Variants in SIPA1L1 observed in about 807,000 individuals in gnomAD.
SIPA1L1 encodes signal induced proliferation associated 1 like 1.
A neutral mutation model predicts 162.7 loss-of-function variants in SIPA1L1; 26 were observed. That is an observed-to-expected ratio of 0.16 (90% CI 0.12 to 0.22). SIPA1L1 has a LOEUF of 0.22. Among genes scored for constraint, SIPA1L1 ranks in the 10% least tolerant of loss-of-function variants. SIPA1L1 has a pLI of 1.00. For synonymous variants in SIPA1L1, 829 were observed against 837.4 expected, an observed-to-expected ratio of 0.99 and a Z score of 0.17; for missense variants, 1,874 against 2,241.0, an observed-to-expected ratio of 0.84 and a Z score of 3.31.
At chr14:71,341,840 C>A (rs1339046744) in intron 2 of SIPA1L1, among the ~76,000 whole-genome samples, 1 of 152,128 alleles carries the variant, frequency 6.6e-6, no homozygotes, top group Admixed American at 6.5e-5. Flanking sequence ...TGATTTTACT[C>A]TTTTTTTGTG....
intron 5 of SIPA1L1, among the ~76,000 whole-genome samples, chr14:71,589,855 G>A (rs2035040517): frequency 6.6e-6 from 1 of 151,530 alleles, no homozygotes; most frequent in Non-Finnish European, 1.5e-5. Context: ...TCCATTTACA[G>A]GAAGTATTGT....
rs902781591 is a variant in SIPA1L1 at position 71,377,868 on chromosome 14, C to T, written c.-465+56687C>T. Among the ~76,000 whole-genome samples, 3 of 152,012 alleles carry T rather than the reference C, an allele frequency of 2.0e-5. No homozygotes were observed. Among genetic ancestry groups the T allele is most frequent in the Non-Finnish European group, 2.9e-5 (2 of 67,996 alleles). On this transcript the variant is annotated intron_variant, in intron 2 of 23. Transcript: ENST00000381232. The surrounding 1 kb of genome is among the most constrained non-coding windows in gnomAD (Gnocchi z 4.8). ...GCGCGTGCCTGCAATCCCAGGCACT[C>T]GGCAGGCTGAGGCAGGAGAATCAGG...
chr14:71,415,145 T>G (rs1481760506), intron 2 of SIPA1L1, among the ~76,000 whole-genome samples: 2 of 152,210 alleles, frequency 1.3e-5, no homozygotes, highest in African/African-American at 4.8e-5. Flanking sequence ...TCAAGTTATC[T>G]GACCATCTCC....
At chr14:71,669,998 G>A (rs2044362857) in intron 10 of SIPA1L1, among the ~76,000 whole-genome samples, 1 of 152,268 alleles carries the variant, frequency 6.6e-6, no homozygotes, top group Admixed American at 6.5e-5. Context: ...TTTGAAAGAT[G>A]CATACTCTCT....
intron 10 of SIPA1L1, among the ~76,000 whole-genome samples, chr14:71,667,458 A>G (rs1670480243): frequency 6.6e-6 from 1 of 152,142 alleles, no homozygotes; most frequent in South Asian, 2.1e-4. Flanking sequence ...ATCCTCAGCA[A>G]AGGCAAAGTG....
At chr14:71,526,950 T>G (rs2052941600) in intron 3 of SIPA1L1, among the ~76,000 whole-genome samples, 3 of 152,182 alleles carry the variant, frequency 2.0e-5, no homozygotes, top group Admixed American at 2.0e-4. Context: ...AGCTTTACGG[T>G]TTGTATTCCC....
intron 7 of SIPA1L1, among the ~76,000 whole-genome samples, chr14:71,634,629 A>G (rs1223545659): frequency 6.6e-6 from 1 of 151,778 alleles, no homozygotes; most frequent in Non-Finnish European, 1.5e-5. Flanking sequence ...TTACCAGGAA[A>G]CCTACCCTTA....
In SIPA1L1 at chr14:71,672,606, G is replaced by C. The variant is rs1330041993; in HGVS notation, c.3088G>C (p.Asp1030His). 1 of 1,613,654 alleles carries C rather than the reference G, an allele frequency of 6.2e-7. No individual in the cohort carries two copies. Among genetic ancestry groups the C allele is most frequent in the Non-Finnish European group, 8.5e-7 (1 of 1,179,686 alleles). ...GGTTGTCATCATTCCCCCGCATGAT[G>C]ACTGCACCCCGCGGAGGTAGGTCTG... ...VKVVIIPPHD[D>H]CTPRRSCSET... Residue 1030 changes from aspartate to histidine, a missense_variant, in exon 12 of 24, where the codon GAC (aspartate) becomes CAC (histidine). This residue lies in a region of SIPA1L1 where 936 missense variants were observed against 1,051.9 expected (regional missense o/e 0.89). Coordinates refer to ENST00000381232, the MANE Select transcript of SIPA1L1 (RefSeq NM_001386936.1).
intron 2 of SIPA1L1, chr14:71,330,496 A>AGTCCTGCTCTAT: frequency 1.2e-6 from 2 of 1,604,200 alleles, no homozygotes; most frequent in Non-Finnish European, 1.7e-6. Flanking sequence ...CCCTTCCTGA[A>AGTCCTGCTCTAT]GTCCTGCTCT....
intron 4 of SIPA1L1, among the ~76,000 whole-genome samples, chr14:71,547,069 T>C (rs567321806): frequency 2.0e-5 from 3 of 152,112 alleles, no homozygotes; most frequent in African/African-American, 7.2e-5. Flanking sequence ...TTGTACCCTA[T>C]GTAATTTTTG....
intron 2 of SIPA1L1, among the ~76,000 whole-genome samples, chr14:71,432,743 A>G (rs933575822): frequency 1.3e-5 from 2 of 152,214 alleles, no homozygotes; most frequent in Non-Finnish European, 2.9e-5. Context: ...CCTCAACAGA[A>G]TGAACAATCA....
intron 2 of SIPA1L1, among the ~76,000 whole-genome samples, chr14:71,496,781 A>G (rs1255567620): frequency 6.6e-6 from 1 of 152,134 alleles, no homozygotes; most frequent in Non-Finnish European, 1.5e-5. Context: ...GTAGGTTTTT[A>G]ATTATTATAT....
chr14:71,675,718 C>T (rs892753382), intron 12 of SIPA1L1, among the ~76,000 whole-genome samples: 14 of 152,184 alleles, frequency 9.2e-5, no homozygotes, highest in Non-Finnish European at 2.1e-4. Flanking sequence ...CCAGTCACTG[C>T]AGCTGCAGCG....
Position 71,709,512 on chromosome 14 carries a change from A to T in SIPA1L1, c.4056A>T (p.Ala1352=), listed in dbSNP as rs140641589. Residue 1352 remains alanine (A), a synonymous_variant, in exon 17 of 24, where the codon GCA becomes GCT. Coordinates refer to ENST00000381232, the MANE Select transcript of SIPA1L1 (RefSeq NM_001386936.1). ...WHSSSEVISM[A]DRTLETESHG... ...GCTCCAGTGAAGTAATCTCCATGGC[A>T]GATCGGACTTTGGAGACAGAGAGCC... 1.2e-6 allele frequency: 2 copies of T among 1,614,216 alleles called. No individual in the cohort carries two copies. Among genetic ancestry groups the T allele is most frequent in the Non-Finnish European group, 1.7e-6 (2 of 1,180,028 alleles).
At chr14:71,601,323 A>G (rs921351821) in intron 5 of SIPA1L1, among the ~76,000 whole-genome samples, 1 of 152,118 alleles carries the variant, frequency 6.6e-6, no homozygotes, top group East Asian at 1.9e-4. Context: ...AATTTTACCA[A>G]ACAATTTTAT....
chr14:71,481,591 T>G (rs970913426), intron 2 of SIPA1L1, among the ~76,000 whole-genome samples: 10 of 152,060 alleles, frequency 6.6e-5, no homozygotes, highest in African/African-American at 2.2e-4. Context: ...TTTAAAAACA[T>G]GGACTAAGTG....
chr14:71,380,078 T>C (rs934334049), intron 2 of SIPA1L1, among the ~76,000 whole-genome samples: 14 of 152,230 alleles, frequency 9.2e-5, no homozygotes, highest in African/African-American at 3.1e-4. Context: ...CATGTAAATA[T>C]ACTGCTAGTT....
At chr14:71,565,254 C>G (rs936579801) in intron 4 of SIPA1L1, among the ~76,000 whole-genome samples, 1 of 152,096 alleles carries the variant, frequency 6.6e-6, no homozygotes, top group Non-Finnish European at 1.5e-5. Context: ...ATAACACAAC[C>G]TTTTCAGTTG....
intron 2 of SIPA1L1, among the ~76,000 whole-genome samples, chr14:71,455,867 C>T (rs368005510): frequency 4.6e-5 from 7 of 152,188 alleles, no homozygotes; most frequent in South Asian, 4.1e-4. Flanking sequence ...TCACATATTA[C>T]GGTAGCAGGA....
Sources: allele counts gnomAD v4.1 joint callset (sites outside exome capture counted in the v4.1 genomes callset), GRCh38; gene constraint gnomAD v4.1.1; regional missense constraint gnomAD v4.1.1; non-coding constraint Gnocchi (gnomAD v3.1); transcripts MANE v1.5; gene names NCBI Gene and HGNC (gene_info 2026-07-23, HGNC 2026-07-21).